SPRR2B: variants seen among roughly 807,000 people sequenced by gnomAD.
SPRR2B encodes small proline rich protein 2B.
Under a neutral mutation model 1.0 loss-of-function variants are expected in SPRR2B, and 1 was observed. The observed-to-expected ratio is 1.01, with a 90% CI of 0.36 to 4.77. SPRR2B has a LOEUF of 4.77. Among genes scored for constraint, SPRR2B ranks in the 30% most tolerant of loss-of-function variants. The pLI, the probability that SPRR2B is intolerant of heterozygous loss-of-function variation, is 0.16. For missense variants in SPRR2B, 53 were observed against 88.7 expected (o/e 0.60, Z 1.62); for synonymous variants, 27 against 33.4 (o/e 0.81, Z 0.66).
chr1:153,084,362 T>C, the SPRR2B span, among the ~76,000 whole-genome samples: 3 of 152,126 alleles, frequency 2.0e-5, no homozygotes, highest in Admixed American at 1.3e-4. Context: ...TGCAGTCACA[T>C]AGCCAGCCAG....
chr1:153,086,978 T>TA, the SPRR2B span, among the ~76,000 whole-genome samples: 1 of 152,228 alleles, frequency 6.6e-6, no homozygotes, highest in Non-Finnish European at 1.5e-5. Flanking sequence ...TCTGAATATC[T>TA]TTTGGATAAA....
At chr1:153,084,311 G>A in the SPRR2B span, among the ~76,000 whole-genome samples, 1 of 152,130 alleles carries the variant, frequency 6.6e-6, no homozygotes, top group African/African-American at 2.4e-5. Context: ...CACTGCTGCA[G>A]TGAGAGTACA....
chr1:153,075,255 T>C (rs1654750615), upstream of SPRR2B, among the ~76,000 whole-genome samples: 1 of 152,058 alleles, frequency 6.6e-6, no homozygotes, highest in South Asian at 2.1e-4. Context: ...AGGCACAGAA[T>C]TGCTTTAACC....
chr1:153,083,871 G>T, the SPRR2B span, among the ~76,000 whole-genome samples: 1 of 152,220 alleles, frequency 6.6e-6, no homozygotes, highest in African/African-American at 2.4e-5. Context: ...AATGGAGCAG[G>T]GCTAGGGATG....
At chr1:153,076,877 G>T in the SPRR2B span, among the ~76,000 whole-genome samples, 1 of 152,124 alleles carries the variant, frequency 6.6e-6, no homozygotes, top group Non-Finnish European at 1.5e-5. Context: ...TTATAACATG[G>T]AATGACCTAT....
At chr1:153,078,825 T>C in the SPRR2B span, among the ~76,000 whole-genome samples, 1 of 152,188 alleles carries the variant, frequency 6.6e-6, no homozygotes, top group African/African-American at 2.4e-5. Flanking sequence ...AATAAACATA[T>C]GTGTGCATTT....
chr1:153,073,695 TCACACACACACACA>T (rs4041380), upstream of SPRR2B, among the ~76,000 whole-genome samples: 46,481 of 144,536 alleles, frequency 0.32, 9,128 homozygotes, highest in Non-Finnish European at 0.46. Context: ...GAGGCATACT[TCACACACACACACA>T]CACACACACA....
chr1:153,075,239 A>G (rs1654750240), upstream of SPRR2B, among the ~76,000 whole-genome samples: 1 of 152,120 alleles, frequency 6.6e-6, no homozygotes, highest in Non-Finnish European at 1.5e-5. Context: ...GCTACTCGGG[A>G]GGCTGAGGCA....
the SPRR2B span, among the ~76,000 whole-genome samples, chr1:153,087,394 C>T: frequency 1.6e-4 from 25 of 151,964 alleles, no homozygotes; most frequent in African/African-American, 5.6e-4. Context: ...TAAGAAATAA[C>T]TGAAATCAGA....
chr1:153,084,471 A>C, the SPRR2B span, among the ~76,000 whole-genome samples: 1 of 151,796 alleles, frequency 6.6e-6, no homozygotes, highest in South Asian at 2.1e-4. Context: ...CCAAACAAAA[A>C]CCCCAAATTG....
chr1:153,070,447 T>C lies in SPRR2B; in HGVS notation c.*174A>G, dbSNP rs1570987806. 7.8e-7 allele frequency: 1 copy of C among 1,288,436 alleles called. No homozygotes were observed. The highest frequency in any genetic ancestry group is 1.1e-6 in the Non-Finnish European group (1 of 950,210). 79.8% of individuals were successfully genotyped at this position (1,288,436 alleles called of 1,614,324 possible). On this transcript the variant is annotated 3_prime_UTR_variant, in exon 2 of 2. Coordinates refer to ENST00000368755, the MANE Select transcript of SPRR2B (RefSeq NM_001388198.1). Reference sequence around the variant, plus strand: ...CCTGGACAGTGGCAGTATGGCAGCCTTAGAAAGGAAACCTTTTGCTATCAG... The same window carrying C: ...CCTGGACAGTGGCAGTATGGCAGCCCTAGAAAGGAAACCTTTTGCTATCAG...
At chr1:153,074,156 T>A (rs898679330), upstream of SPRR2B, among the ~76,000 whole-genome samples, 4 of 152,228 alleles carry the variant, frequency 2.6e-5, no homozygotes, top group Admixed American at 2.6e-4. Flanking sequence ...TTTCATTATT[T>A]TAAGAATATT....
chr1:153,070,611 C>A lies in SPRR2B; in HGVS notation c.*10G>T. 6.2e-7 allele frequency: 1 copy of A among 1,610,790 alleles called. No individual in the cohort carries two copies. The highest frequency in any genetic ancestry group is 8.5e-7 in the Non-Finnish European group (1 of 1,179,230). On this transcript the variant is annotated 3_prime_UTR_variant, in exon 2 of 2. Coordinates refer to ENST00000368755, the MANE Select transcript of SPRR2B (RefSeq NM_001388198.1). ...TTATCCTCTCATGCTCCTGATGAAT[C>A]CTGAAGCTGTTACTTGCTCTTCGGT... is the stretch of plus-strand genomic sequence containing the variant.
the SPRR2B span, among the ~76,000 whole-genome samples, chr1:153,086,043 A>G: frequency 6.6e-6 from 1 of 152,206 alleles, no homozygotes; most frequent in Non-Finnish European, 1.5e-5. Context: ...CACTAAATAT[A>G]GAAAGGAAAA....
upstream of SPRR2B, among the ~76,000 whole-genome samples, chr1:153,075,874 T>C (rs1654759043): frequency 6.6e-6 from 1 of 152,176 alleles, no homozygotes; most frequent in Non-Finnish European, 1.5e-5. Flanking sequence ...TCTTATGTGA[T>C]AAAAATGAGT....
Position 153,070,577 on chromosome 1 carries a change from C to A in SPRR2B, c.*44G>T. On this transcript the variant is annotated 3_prime_UTR_variant, in exon 2 of 2. Coordinates refer to ENST00000368755, the MANE Select transcript of SPRR2B (RefSeq NM_001388198.1). ...GGTGGAGCTGTGGAACGAGGTGAGCCAATTATCCTTATCCTCTCATGCTCC... is the reference window on the plus strand; with the variant it reads ...GGTGGAGCTGTGGAACGAGGTGAGCAAATTATCCTTATCCTCTCATGCTCC... The A allele has an allele frequency of 6.3e-7, 1 of 1,590,942 alleles. No homozygotes were observed. Among genetic ancestry groups the A allele is most frequent in the Non-Finnish European group, 8.6e-7 (1 of 1,168,942 alleles).
the SPRR2B span, among the ~76,000 whole-genome samples, chr1:153,078,333 A>G: frequency 6.6e-6 from 1 of 151,992 alleles, no homozygotes; most frequent in Admixed American, 6.6e-5. Flanking sequence ...TACAAAAGAC[A>G]TGTATATATA....
At chr1:153,080,281 G>GAAAAAAT in the SPRR2B span, among the ~76,000 whole-genome samples, 2 of 152,012 alleles carry the variant, frequency 1.3e-5, no homozygotes, top group Non-Finnish European at 2.9e-5. Context: ...ATAAAAGTTT[G>GAAAAAAT]AAAAAATAGA....
At chr1:153,073,514 C>T (rs187406470), upstream of SPRR2B, among the ~76,000 whole-genome samples, 1 of 152,218 alleles carries the variant, frequency 6.6e-6, no homozygotes, top group East Asian at 1.9e-4. Flanking sequence ...CGGCAGCAGC[C>T]CTAGTGCCCC....
Sources: gnomAD v4.1 joint callset for allele counts (sites outside exome capture counted in the v4.1 genomes callset) on GRCh38, gnomAD v4.1.1 for gene constraint, MANE v1.5 for transcripts, NCBI Gene and HGNC (gene_info 2026-07-23, HGNC 2026-07-21) for gene names.